WDR25: variants seen among roughly 807,000 people sequenced by gnomAD.
WDR25 encodes the protein WD repeat domain 25.
Under a neutral mutation model 47.7 loss-of-function variants are expected in WDR25, and 35 were observed. That is an observed-to-expected ratio of 0.73 (90% CI 0.56 to 0.97). The LOEUF is 0.97. Among genes scored for constraint, WDR25 ranks in the 50% least tolerant of loss-of-function variants. WDR25 has a pLI of 0.00. For synonymous variants in WDR25, 248 were observed against 278.9 expected (o/e 0.89, Z 1.10); for missense variants, 634 against 704.7 (o/e 0.90, Z 1.14).
intron 3 of WDR25, among the ~76,000 whole-genome samples, chr14:100,483,760 C>G (rs566889005): frequency 6.6e-6 from 1 of 152,242 alleles, no homozygotes; most frequent in South Asian, 2.1e-4. Flanking sequence ...CTAAGCTCAG[C>G]CCAGGGGGAG....
intron 2 of WDR25, among the ~76,000 whole-genome samples, chr14:100,420,028 G>GGGGC (rs1897981325): frequency 6.6e-6 from 1 of 152,238 alleles, no homozygotes; most frequent in Non-Finnish European, 1.5e-5. Context: ...GTGAACGGGT[G>GGGGC]CTCGCAGGGC....
rs769330258 is a variant in WDR25 at position 100,529,076 on chromosome 14, C to T, written c.1281C>T (p.Phe427=). 1.6e-4 allele frequency: 255 copies of T among 1,549,044 alleles called. No individual in the cohort carries two copies. The highest frequency in any genetic ancestry group is 2.2e-4 in the Non-Finnish European group (250 of 1,141,482). The part of the protein sequence containing the change: ...KISNQIFHER[F]TCPSLALHPR... ...GGCTCTGCTGTTCTCAGGAGAGGTTCACCTGCCCCAGCCTCGCCTTGCACC... is the reference window on the plus strand; with the variant it reads ...GGCTCTGCTGTTCTCAGGAGAGGTTTACCTGCCCCAGCCTCGCCTTGCACC... Residue 427 remains phenylalanine (F), a synonymous_variant, in exon 6 of 7, where the codon TTC becomes TTT. Transcript: ENST00000402312. This position sits in a 1 kb window ranked among gnomAD's most constrained non-coding sequence, Gnocchi z 5.1.
At chr14:100,479,043 G>A (rs940076560) in intron 3 of WDR25, among the ~76,000 whole-genome samples, 3 of 152,048 alleles carry the variant, frequency 2.0e-5, no homozygotes, top group Non-Finnish European at 4.4e-5. Flanking sequence ...GTCCTTGTGG[G>A]GAGAAAGAGT....
Position 100,454,687 on chromosome 14 carries a change from C to G in WDR25, c.823-13334C>G, listed in dbSNP as rs78373871. On this transcript the variant is annotated intron_variant, in intron 2 of 6. Coordinates refer to ENST00000402312, the MANE Select transcript of WDR25 (RefSeq NM_001161476.3). ...AGCATAGGCTCCAGTCTGTGCCAGA[C>G]AGGCTGCTAAAAATTTGTATAGAAA... 6.0e-4 allele frequency: 207 copies of G among 344,526 alleles called. 3 individuals carry two copies. In the East Asian group the frequency reaches 8.5e-3, roughly 14 times the overall value. The allele number at this position is 344,526 out of a possible 1,614,324, so 21.3% of individuals were successfully genotyped here.
At chr14:100,383,937 C>T (rs1353373961) in intron 2 of WDR25, among the ~76,000 whole-genome samples, 1 of 152,218 alleles carries the variant, frequency 6.6e-6, no homozygotes, top group East Asian at 1.9e-4. Context: ...TAGGAATGCC[C>T]TGCTCCTGGG....
chr14:100,428,976 A>C lies in WDR25; in HGVS notation c.823-39045A>C, dbSNP rs1898249947. Among the ~76,000 whole-genome samples the C allele has an allele frequency of 6.6e-6, 1 of 152,170 alleles. No homozygotes were observed. Among genetic ancestry groups the C allele is most frequent in the African/African-American group, 2.4e-5 (1 of 41,432 alleles). On this transcript the variant is annotated intron_variant, in intron 2 of 6. Coordinates refer to ENST00000402312, the MANE Select transcript of WDR25 (RefSeq NM_001161476.3). This position sits in a 1 kb window ranked among gnomAD's most constrained non-coding sequence, Gnocchi z 4.3. ...CCCGAGCGTGTCAGCTTCACTTCAC[A>C]TAAGTCATTTCAGATCCTGCACTTA... is the stretch of plus-strand genomic sequence containing the variant.
chr14:100,474,595 G>A lies in WDR25; in HGVS notation c.970+6427G>A, dbSNP rs776977812. Among the ~76,000 whole-genome samples the A allele has an allele frequency of 5.3e-5, 8 of 152,298 alleles. No individual in the cohort carries two copies. The South Asian group carries it at 8.3e-4, about 16-fold the overall frequency. ...GTCTGCTATTGGAATGGCGAGTTCC[G>A]AGTTTCAGAAAACCAACTTACTAGT... On this transcript the variant is annotated intron_variant, in intron 3 of 6. Coordinates refer to ENST00000402312, the MANE Select transcript of WDR25 (RefSeq NM_001161476.3).
At chr14:100,461,920 T>C (rs963974495) in intron 2 of WDR25, among the ~76,000 whole-genome samples, 2 of 151,988 alleles carry the variant, frequency 1.3e-5, no homozygotes, top group Non-Finnish European at 2.9e-5. Flanking sequence ...TTTTGTTTGT[T>C]TTGTTTGTTT....
Position 100,465,485 on chromosome 14 carries a change from T to C in WDR25, c.823-2536T>C, listed in dbSNP as rs140030900. The stretch of plus-strand genomic sequence containing the variant: ...TTTGTCCTTATGTGTCTGGCTTATT[T>C]TACTTAGCATAATATCTTCAAGTTT... On this transcript the variant is annotated intron_variant, in intron 2 of 6. Coordinates refer to ENST00000402312, the MANE Select transcript of WDR25 (RefSeq NM_001161476.3). Among the ~76,000 whole-genome samples the C allele has an allele frequency of 5.8e-4, 89 of 152,348 alleles. No homozygotes were observed. In the East Asian group the frequency reaches 0.014, roughly 24 times the overall value.
At chr14:100,519,767 GTA>G (rs578120503) in intron 4 of WDR25, among the ~76,000 whole-genome samples, 23 of 131,896 alleles carry the variant, frequency 1.7e-4, no homozygotes, top group African/African-American at 2.4e-4. Flanking sequence ...TGTATATATA[GTA>G]TATATATAGT....
chr14:100,451,712 A>G (rs1899040541), intron 2 of WDR25, among the ~76,000 whole-genome samples: 3 of 152,014 alleles, frequency 2.0e-5, no homozygotes, highest in Admixed American at 1.3e-4. Flanking sequence ...AGAGAGGTTC[A>G]GACTGTTCTT....
chr14:100,463,614 A>G (rs1899503374), intron 2 of WDR25, among the ~76,000 whole-genome samples: 1 of 152,164 alleles, frequency 6.6e-6, no homozygotes. Context: ...AATTTCCACA[A>G]TGGCATCCAC....
intron 4 of WDR25, among the ~76,000 whole-genome samples, chr14:100,509,441 A>AC (rs1245571124): frequency 6.6e-6 from 1 of 151,816 alleles, no homozygotes; most frequent in Non-Finnish European, 1.5e-5. Flanking sequence ...TGGTATCACT[A>AC]CCCCCCAGGC....
At chr14:100,478,426 C>A (rs1422338512) in intron 3 of WDR25, among the ~76,000 whole-genome samples, 44 of 152,360 alleles carry the variant, frequency 2.9e-4, no homozygotes, top group Admixed American at 2.9e-3. Context: ...CTGCTTCCAA[C>A]ATTGTGCCAG....
At chr14:100,466,140 G>A (rs1179929141) in intron 2 of WDR25, among the ~76,000 whole-genome samples, 1 of 152,064 alleles carries the variant, frequency 6.6e-6, no homozygotes, top group Non-Finnish European at 1.5e-5. Flanking sequence ...GAAGTCTTCT[G>A]GCTGTGTCTT....
At chr14:100,393,384 G>A (rs949772803) in intron 2 of WDR25, among the ~76,000 whole-genome samples, 8 of 152,164 alleles carry the variant, frequency 5.3e-5, no homozygotes, top group African/African-American at 1.2e-4. Flanking sequence ...GTTTGTTTTC[G>A]TCCTGGGCTT....
In WDR25 at chr14:100,498,727, G is replaced by A. The variant is rs1247205617; in HGVS notation, c.1101+14603G>A. 1.3e-5 allele frequency among the ~76,000 whole-genome samples: 2 copies of A among 152,204 alleles called. No individual in the cohort carries two copies. Among genetic ancestry groups the A allele is most frequent in the African/African-American group, 4.8e-5 (2 of 41,454 alleles). On this transcript the variant is annotated intron_variant, in intron 4 of 6. Transcript: ENST00000402312. This position sits in a 1 kb window ranked among gnomAD's most constrained non-coding sequence, Gnocchi z 4.2. Reference sequence around the variant, plus strand: ...GGTTGTGCAGTCTGTACAGTGCAGAGAGGCACCTTGCTGAGGGATAGGTGG... The same window carrying A: ...GGTTGTGCAGTCTGTACAGTGCAGAAAGGCACCTTGCTGAGGGATAGGTGG...
chr14:100,402,512 G>A (rs1897410241), intron 2 of WDR25, among the ~76,000 whole-genome samples: 1 of 152,182 alleles, frequency 6.6e-6, no homozygotes, highest in African/African-American at 2.4e-5. Context: ...AGAGTGATGC[G>A]CTGTCAGCCA....
rs549545707 is a variant in WDR25, at chr14:100,500,968, A to G, written c.1101+16844A>G. 1.3e-5 allele frequency among the ~76,000 whole-genome samples: 2 copies of G among 152,286 alleles called. No homozygotes were observed. Among genetic ancestry groups the G allele is most frequent in the African/African-American group, 2.4e-5 (1 of 41,572 alleles). Reference sequence around the variant, plus strand: ...AATTTAAAATTTCACAGTCTTCAACATGACAGTTTCTCTGTGGGTATGTTT... The same window carrying G: ...AATTTAAAATTTCACAGTCTTCAACGTGACAGTTTCTCTGTGGGTATGTTT... On this transcript the variant is annotated intron_variant, in intron 4 of 6. Transcript: ENST00000402312. The surrounding 1 kb of genome is among the most constrained non-coding windows in gnomAD (Gnocchi z 4.7).
Sources: gnomAD v4.1 joint callset for allele counts (sites outside exome capture counted in the v4.1 genomes callset) on GRCh38, gnomAD v4.1.1 for gene constraint, Gnocchi (gnomAD v3.1) non-coding constraint, MANE v1.5 for transcripts, NCBI Gene and HGNC (gene_info 2026-07-23, HGNC 2026-07-21) for gene names.